Variants in E2F2 observed in about 807,000 individuals in gnomAD.
E2F2 encodes E2F transcription factor 2.
In E2F2, 22 loss-of-function variants were observed where a neutral mutation model predicts 42.2. The observed-to-expected ratio is 0.52, with a 90% CI of 0.37 to 0.74. E2F2 has a LOEUF of 0.74. Among genes scored for constraint, E2F2 ranks in the 30% least tolerant of loss-of-function variants. The pLI is 0.00. For missense variants in E2F2, 481 were observed against 557.8 expected, an observed-to-expected ratio of 0.86 and a Z score of 1.39; for synonymous variants, 248 against 251.6, an observed-to-expected ratio of 0.99 and a Z score of 0.13.
rs748587301 is a variant in E2F2, at chr1:23,516,353, C to T, written c.1027G>A (p.Glu343Lys). ...GACCTACCTGAGGATGCTGTGGGCTCCATGATGCTAGGGTCGGTGCTGCTG... is the reference window on the plus strand; with the variant it reads ...GACCTACCTGAGGATGCTGTGGGCTTCATGATGCTAGGGTCGGTGCTGCTG... ...PSSSTDPSIM[E>K]PTASSVPAPA... Residue 343 changes from glutamate (E) to lysine (K), a missense_variant, in exon 6 of 7, where the codon GAG (glutamate) becomes AAG (lysine). Physicochemically the swap from Glu to Lys is moderately conservative, Grantham distance 56. Transcript: ENST00000361729. 2 of 1,551,770 alleles carry T rather than the reference C, an allele frequency of 1.3e-6. No individual in the cohort carries two copies. Among genetic ancestry groups the T allele is most frequent in the South Asian group, 2.4e-5 (2 of 82,080 alleles).
At chr1:23,512,895 G>A (rs903198557) in intron 6 of E2F2, among the ~76,000 whole-genome samples, 3 of 151,278 alleles carry the variant, frequency 2.0e-5, no homozygotes, top group Non-Finnish European at 2.9e-5. Context: ...TCACTGCAAC[G>A]TCTGCTTTCC....
At chr1:23,512,116 G>T (rs186420385) in intron 6 of E2F2, among the ~76,000 whole-genome samples, 105 of 152,214 alleles carry the variant, frequency 6.9e-4, no homozygotes, top group African/African-American at 2.4e-3. Context: ...GAGAATCATT[G>T]GAACCCAGGA....
At chr1:23,522,087 A>AGGGAGG in intron 2 of E2F2, 31 bp from the exon 3 acceptor site, 1 of 1,604,956 alleles carries the variant, frequency 6.2e-7, no homozygotes, top group South Asian at 1.1e-5. Context: ...GTCACAGCTC[A>AGGGAGG]GGGAGGGGAG....
rs750427985 is a variant in E2F2 at position 23,516,391 on chromosome 1, G to A, written c.989C>T (p.Ser330Phe). 3.1e-5 allele frequency: 49 copies of A among 1,592,882 alleles called. No individual in the cohort carries two copies. The highest frequency in any genetic ancestry group is 4.0e-5 in the Non-Finnish European group (47 of 1,171,352). ...STSTLCPSPDSAQPSSSTDPS... is the reference protein window; with the variant it reads ...STSTLCPSPDFAQPSSSTDPS... Reference sequence around the variant, plus strand: ...GTCGGTGCTGCTGCTGGGCTGGGCAGAGTCAGGGCTGGGGCAGAGGGTGGA... The same window carrying A: ...GTCGGTGCTGCTGCTGGGCTGGGCAAAGTCAGGGCTGGGGCAGAGGGTGGA... Residue 330 changes from serine (S) to phenylalanine (F), a missense_variant, in exon 6 of 7, where the codon TCT becomes TTT. Coordinates refer to ENST00000361729, the MANE Select transcript of E2F2 (RefSeq NM_004091.4).
intron 6 of E2F2, among the ~76,000 whole-genome samples, chr1:23,512,833 GAC>G (rs1642936803): frequency 6.7e-6 from 1 of 148,856 alleles, no homozygotes; most frequent in Admixed American, 6.7e-5. Flanking sequence ...TTTTTTTTGA[GAC>G]AGAGTCCCAC....
intron 1 of E2F2, among the ~76,000 whole-genome samples, chr1:23,526,582 A>G (rs1643253862): frequency 6.6e-6 from 1 of 152,144 alleles, no homozygotes; most frequent in African/African-American, 2.4e-5. Context: ...CAGAATATCT[A>G]TGCTGAGCCT....
Position 23,514,764 on chromosome 1 carries a change from G to A in E2F2, c.1045+1571C>T, listed in dbSNP as rs1006796390. On this transcript the variant is annotated intron_variant, in intron 6 of 6. Transcript: ENST00000361729. ...AGGCAGGAGAATTGATTGAACCCAG[G>A]AGGCAGAGGTTGCTGTGAGCCAAGA... Among the ~76,000 whole-genome samples, 124 of 150,358 alleles carry A rather than the reference G, an allele frequency of 8.2e-4. No individual in the cohort carries two copies. In the Middle Eastern group the frequency reaches 0.01, roughly 12 times the overall value.
At chr1:23,519,657 C>A (rs1350327651) in intron 4 of E2F2, among the ~76,000 whole-genome samples, 1 of 152,190 alleles carries the variant, frequency 6.6e-6, no homozygotes, top group Non-Finnish European at 1.5e-5. Flanking sequence ...CGGCCGAACG[C>A]GGCGGCTCAT....
intron 2 of E2F2, 134 bp from the exon 3 acceptor site, chr1:23,522,190 G>T (rs904428342): frequency 9.5e-5 from 73 of 767,066 alleles, no homozygotes; most frequent in Non-Finnish European, 1.4e-4. Flanking sequence ...GTGAGCCAGG[G>T]CATCCATCAC....
intron 6 of E2F2, among the ~76,000 whole-genome samples, chr1:23,514,267 CAGG>C (rs1215463812): frequency 6.6e-6 from 1 of 152,128 alleles, no homozygotes. Context: ...GGAGGCACAG[CAGG>C]AGGAGGATGG....
At chr1:23,506,010 C>G (rs1009950441), downstream of E2F2, among the ~76,000 whole-genome samples, 1 of 152,202 alleles carries the variant, frequency 6.6e-6, no homozygotes, top group African/African-American at 2.4e-5. Context: ...GCTGGCCAGA[C>G]TGGTCTTGAA....
chr1:23,515,826 C>T (rs888549509), intron 6 of E2F2, among the ~76,000 whole-genome samples: 1 of 152,134 alleles, frequency 6.6e-6, no homozygotes, highest in African/African-American at 2.4e-5. Flanking sequence ...CTCAGCTTCC[C>T]GAGTAGCTGG....
At position 23,520,671 on chromosome 1, in the gene E2F2, A is replaced by G. The variant is rs1222510567; in HGVS notation, c.737+242T>C. ...GGTGGGAGGATCACTTGAACCCAGG[A>G]GGGCGAGGCTATAGCGAGCTATGAT... is the stretch of plus-strand genomic sequence containing the variant. On this transcript the variant is annotated intron_variant, in intron 4 of 6. Transcript: ENST00000361729. Among the ~76,000 whole-genome samples the G allele has an allele frequency of 2.0e-5, 3 of 152,306 alleles. No homozygotes were observed. In the East Asian group the frequency reaches 5.8e-4, roughly 29 times the overall value.
chr1:23,525,818 C>T (rs1570472443), intron 1 of E2F2, among the ~76,000 whole-genome samples: 1 of 152,254 alleles, frequency 6.6e-6, no homozygotes, highest in Non-Finnish European at 1.5e-5. Context: ...GGTCATCGAG[C>T]CCATTTCTTT....
chr1:23,505,998 A>C (rs1340932862), downstream of E2F2, among the ~76,000 whole-genome samples: 1 of 152,158 alleles, frequency 6.6e-6, no homozygotes, highest in Non-Finnish European at 1.5e-5. Context: ...GGGTTTCACC[A>C]TGCTGGCCAG....
Position 23,530,829 on chromosome 1 carries a change from C to T in E2F2, c.-36G>A, listed in dbSNP as rs1322191293. On this transcript the variant is annotated 5_prime_UTR_variant, in exon 1 of 7. Coordinates refer to ENST00000361729, the MANE Select transcript of E2F2 (RefSeq NM_004091.4). This position sits in a 1 kb window ranked among gnomAD's most constrained non-coding sequence, Gnocchi z 4.4. ...GCGCCCCCTACCCAAAAGGGCTTGGCGCGCCCGCGGACACCTGCGGGTTCC... is the reference window on the plus strand; with the variant it reads ...GCGCCCCCTACCCAAAAGGGCTTGGTGCGCCCGCGGACACCTGCGGGTTCC... The T allele has an allele frequency of 2.1e-6, 3 of 1,445,612 alleles. No individual in the cohort carries two copies. The highest frequency in any genetic ancestry group is 2.9e-5 in the African/African-American group (2 of 69,268). The allele number at this position is 1,445,612 out of a possible 1,614,324, so 89.5% of individuals were successfully genotyped here.
At position 23,507,927 on chromosome 1, in the gene E2F2, T is replaced by C. The variant is rs994635866; in HGVS notation, c.*1953A>G. On this transcript the variant is annotated 3_prime_UTR_variant, in exon 7 of 7. Transcript: ENST00000361729. ...GGAATGGGAGTCAAACACCTCTGACTTCAGAGATGGCACATGGCTAAATGG... is the reference window on the plus strand; with the variant it reads ...GGAATGGGAGTCAAACACCTCTGACCTCAGAGATGGCACATGGCTAAATGG... 1.3e-5 allele frequency: 2 copies of C among 152,264 alleles called. No homozygotes were observed. Among genetic ancestry groups the C allele is most frequent in the African/African-American group, 4.8e-5 (2 of 41,462 alleles). The allele number at this position is 152,264 out of a possible 1,614,324, so 9.4% of individuals were successfully genotyped here.
Position 23,530,759 on chromosome 1 carries a change from G to A in E2F2, c.35C>T (p.Ala12Val). 1 of 1,573,920 alleles carries A rather than the reference G, an allele frequency of 6.4e-7. No homozygotes were observed. The highest frequency in any genetic ancestry group is 8.6e-7 in the Non-Finnish European group (1 of 1,158,626). The change falls in exon 1 of 7, where the codon GCT becomes GTT. Residue 12 changes from alanine to valine, a missense_variant. By Grantham distance (64) the Ala-to-Val change is moderately conservative. Coordinates refer to ENST00000361729, the MANE Select transcript of E2F2 (RefSeq NM_004091.4). This position sits in a 1 kb window ranked among gnomAD's most constrained non-coding sequence, Gnocchi z 4.4. ...LQGPRALASA[A>V]GQTPKVVPAM... is the part of the protein sequence containing the mutation. ...GGGCACCACCTTCGGGGTCTGCCCAGCGGCCGAAGCCAAGGCCCGGGGCCC... is the reference window on the plus strand; with the variant it reads ...GGGCACCACCTTCGGGGTCTGCCCAACGGCCGAAGCCAAGGCCCGGGGCCC...
rs1381138996 is a variant in E2F2, at chr1:23,507,648, T to C, written c.*2232A>G. 1 of 152,304 alleles carries C rather than the reference T, an allele frequency of 6.6e-6. No homozygotes were observed. The highest frequency in any genetic ancestry group is 6.5e-5 in the Admixed American group (1 of 15,270). The allele number at this position is 152,304 out of a possible 1,614,324, so 9.4% of individuals were successfully genotyped here. A position where few individuals can be genotyped will look rare whatever the true frequency, so the allele number is the denominator to read the frequency against. ...GCATGAGCTTGTGTCCTGCACTGAA[T>C]CTGAGGCTTAGCCTGGGAGGTCTAG... On this transcript the variant is annotated 3_prime_UTR_variant, in exon 7 of 7. Coordinates refer to ENST00000361729, the MANE Select transcript of E2F2 (RefSeq NM_004091.4).
Sources: allele counts gnomAD v4.1 joint callset (sites outside exome capture counted in the v4.1 genomes callset), GRCh38; gene constraint gnomAD v4.1.1; non-coding constraint Gnocchi (gnomAD v3.1); transcripts MANE v1.5; gene names NCBI Gene and HGNC (gene_info 2026-07-23, HGNC 2026-07-21).